Variants in KAZN observed in about 807,000 individuals in gnomAD.
KAZN encodes kazrin.
In KAZN, 40 loss-of-function variants were observed where a neutral mutation model predicts 87.4. That is an observed-to-expected ratio of 0.46 (90% CI 0.36 to 0.60). The LOEUF is 0.60. Ranked by LOEUF, KAZN falls within the 20% of genes least tolerant of loss-of-function variation. The pLI, the probability that KAZN is intolerant of heterozygous loss-of-function variation, is 0.00. For missense variants in KAZN, 898 were observed against 1,073.9 expected, an observed-to-expected ratio of 0.84 and a Z score of 2.29; for synonymous variants, 466 against 458.3, an observed-to-expected ratio of 1.02 and a Z score of -0.22.
chr1:14,946,050 C>A, intron 1 of KAZN: 1 of 349,842 alleles, frequency 2.9e-6, no homozygotes, highest in Non-Finnish European at 4.0e-6. Context: ...CTTCATTCTC[C>A]ACACAAGGAC....
At chr1:14,292,342 C>G (rs773588903) in intron 2 of KAZN, among the ~76,000 whole-genome samples, 6 of 152,220 alleles carry the variant, frequency 3.9e-5, no homozygotes, top group Non-Finnish European at 8.8e-5. Context: ...AAATGAGATG[C>G]TGTGTGGTCC....
At chr1:13,907,267 G>C (rs1200471286) in intron 1 of KAZN, among the ~76,000 whole-genome samples, 2 of 152,216 alleles carry the variant, frequency 1.3e-5, no homozygotes, top group African/African-American at 4.8e-5. Flanking sequence ...AACACATTTT[G>C]TGCCTCTCAA....
intron 2 of KAZN, among the ~76,000 whole-genome samples, chr1:14,544,357 T>TTTTTTTTTTTTTTTG: frequency 6.8e-6 from 1 of 147,606 alleles, no homozygotes; most frequent in African/African-American, 2.5e-5. Flanking sequence ...TTTCTTTTTT[T>TTTTTTTTTTTTTTTG]TTTTTTTTTT....
intron 2 of KAZN, among the ~76,000 whole-genome samples, chr1:14,401,790 T>C (rs546025096): frequency 2.4e-4 from 36 of 152,238 alleles, no homozygotes; most frequent in Middle Eastern, 3.4e-3. Context: ...GAATCAATCA[T>C]TAGTAAGCTC....
At chr1:15,044,441 A>T (rs1189018789) in intron 4 of KAZN, among the ~76,000 whole-genome samples, 1 of 152,024 alleles carries the variant, frequency 6.6e-6, no homozygotes, top group East Asian at 1.9e-4. Context: ...TCCTCCACAC[A>T]CCCCAGCCTA....
intron 4 of KAZN, among the ~76,000 whole-genome samples, chr1:15,046,194 A>G (rs1442153578): frequency 6.6e-6 from 1 of 151,632 alleles, no homozygotes; most frequent in East Asian, 1.9e-4. Context: ...GTTACTCGGG[A>G]GGCTGAGACA....
At chr1:15,059,437 T>C (rs1573218364) in intron 5 of KAZN, among the ~76,000 whole-genome samples, 1 of 151,896 alleles carries the variant, frequency 6.6e-6, no homozygotes, top group African/African-American at 2.4e-5. Context: ...GCTGCTGGGG[T>C]AGGCAGGGCC....
chr1:14,736,986 G>A (rs1025726104), intron 1 of KAZN, among the ~76,000 whole-genome samples: 11 of 152,140 alleles, frequency 7.2e-5, no homozygotes, highest in South Asian at 4.1e-4. Context: ...GAAAGAGATC[G>A]GCGATCGAGA....
chr1:14,573,200 C>T (rs969785709), intron 2 of KAZN, among the ~76,000 whole-genome samples: 3 of 152,190 alleles, frequency 2.0e-5, no homozygotes, highest in Admixed American at 1.3e-4. Context: ...CTTTAAGCCC[C>T]ATGTGTATTT....
chr1:14,417,988 T>C (rs1419108234), intron 2 of KAZN, among the ~76,000 whole-genome samples: 1 of 73,470 alleles, frequency 1.4e-5, no homozygotes, highest in Non-Finnish European at 2.5e-5. Context: ...AGAGTGAGAC[T>C]GCCTCAAAAA....
chr1:14,013,636 A>G (rs1232145992), intron 1 of KAZN, among the ~76,000 whole-genome samples: 1 of 152,214 alleles, frequency 6.6e-6, no homozygotes, highest in Non-Finnish European at 1.5e-5. Flanking sequence ...ACCTAGGAAT[A>G]TGGGACTTTA....
At chr1:13,985,342 G>C (rs1388932006) in intron 1 of KAZN, among the ~76,000 whole-genome samples, 1 of 151,780 alleles carries the variant, frequency 6.6e-6, no homozygotes, top group East Asian at 1.9e-4. Context: ...TTAAGAAAAT[G>C]TGGCACATAT....
intron 1 of KAZN, among the ~76,000 whole-genome samples, chr1:14,744,885 T>G (rs1379461171): frequency 6.6e-6 from 1 of 152,142 alleles, no homozygotes; most frequent in East Asian, 1.9e-4. Flanking sequence ...CGGAGGCACC[T>G]GTGACCCCTC....
rs574036449 is a variant in KAZN, at chr1:14,775,949, G to T, written c.226+176726G>T. Among the ~76,000 whole-genome samples the T allele has an allele frequency of 2.4e-4, 37 of 152,346 alleles. No homozygotes were observed. The South Asian group carries it at 7.2e-3, about 30-fold the overall frequency. On this transcript the variant is annotated intron_variant, in intron 1 of 14. Coordinates refer to ENST00000376030, the MANE Select transcript of KAZN (RefSeq NM_201628.3). ...CTTCCACATGGAACCACCATAGTGA[G>T]TGTGGTCCTGCGTGATCACTGCGAC...
At chr1:13,919,569 C>T (rs1329330565) in intron 1 of KAZN, among the ~76,000 whole-genome samples, 2 of 152,170 alleles carry the variant, frequency 1.3e-5, no homozygotes, top group African/African-American at 2.4e-5. Flanking sequence ...AGAACTGGAT[C>T]ATGGATGTGC....
chr1:14,270,050 A>T lies in KAZN; in HGVS notation c.249+89458A>T, dbSNP rs568179969. ...GGCAGGTGCAAGCCATTCATGAGAG[A>T]TGCACCTCCATGACCCAAACACCTC... On this transcript the variant is annotated intron_variant, in intron 2 of 16. Coordinates refer to the KAZN transcript ENST00000636203. Among the ~76,000 whole-genome samples, 10 of 152,200 alleles carry T rather than the reference A, an allele frequency of 6.6e-5. No homozygotes were observed. In the East Asian group the frequency reaches 1.9e-3, roughly 29 times the overall value.
rs542358419 is a variant in KAZN at position 14,501,257 on chromosome 1, G to A, written c.250-97726G>A. Among the ~76,000 whole-genome samples, 6 of 152,150 alleles carry A rather than the reference G, an allele frequency of 3.9e-5. 1 individual carries two copies. The East Asian group carries it at 1.2e-3, about 29-fold the overall frequency. On this transcript the variant is annotated intron_variant, in intron 2 of 16. Transcript: ENST00000636203. Reference sequence around the variant, plus strand: ...ACTCCCATTTAACATTGTACTGGAGGTTCTAGCCAGCGCAATTAAGCAAGA... The same window carrying A: ...ACTCCCATTTAACATTGTACTGGAGATTCTAGCCAGCGCAATTAAGCAAGA...
At chr1:14,790,845 A>G (rs918624487) in intron 1 of KAZN, among the ~76,000 whole-genome samples, 3 of 152,134 alleles carry the variant, frequency 2.0e-5, no homozygotes, top group African/African-American at 7.2e-5. Flanking sequence ...TGCGTGCACC[A>G]CTATGCCAAC....
chr1:14,001,471 A>C (rs999659816), intron 1 of KAZN, among the ~76,000 whole-genome samples: 1 of 152,224 alleles, frequency 6.6e-6, no homozygotes, highest in Non-Finnish European at 1.5e-5. Flanking sequence ...TCAAACTACC[A>C]TTGACATTCT....
Sources: gnomAD v4.1 joint callset for allele counts (sites outside exome capture counted in the v4.1 genomes callset) on GRCh38, gnomAD v4.1.1 for gene constraint, MANE v1.5 for transcripts, NCBI Gene and HGNC (gene_info 2026-07-23, HGNC 2026-07-21) for gene names.